Variants in PARPBP observed in about 807,000 individuals in gnomAD.
The protein encoded by PARPBP is PARP1 binding protein, also known as PCNA-interacting partner.
A neutral mutation model predicts 50.0 loss-of-function variants in PARPBP; 52 were observed. That is an observed-to-expected ratio of 1.04 (90% CI 0.83 to 1.31). The LOEUF is 1.31. Among genes scored for constraint, PARPBP ranks in the 50% most tolerant of loss-of-function variants. The pLI is 0.00. For synonymous variants in PARPBP, 244 were observed against 232.1 expected (o/e 1.05, Z -0.47); for missense variants, 697 against 672.0 (o/e 1.04, Z -0.41).
intron 9 of PARPBP, among the ~76,000 whole-genome samples, chr12:102,193,329 A>G (rs1369518278): frequency 6.6e-6 from 1 of 151,934 alleles, no homozygotes; most frequent in Non-Finnish European, 1.5e-5. Flanking sequence ...ACTAAATAAT[A>G]TAATTATTAT....
chr12:102,192,082 G>A (rs558449100), intron 9 of PARPBP, among the ~76,000 whole-genome samples: 1 of 152,200 alleles, frequency 6.6e-6, no homozygotes, highest in African/African-American at 2.4e-5. Context: ...GCCAATGTAG[G>A]TTGCGTTGTT....
intron 9 of PARPBP, among the ~76,000 whole-genome samples, chr12:102,183,347 A>T (rs1425349781): frequency 6.6e-6 from 1 of 152,134 alleles, no homozygotes; most frequent in Non-Finnish European, 1.5e-5. Flanking sequence ...ATTCATCTTG[A>T]TACAACAAAA....
At chr12:102,150,990 T>C (rs1003039115) in intron 3 of PARPBP, among the ~76,000 whole-genome samples, 4 of 152,198 alleles carry the variant, frequency 2.6e-5, no homozygotes, top group African/African-American at 9.7e-5. Flanking sequence ...TTTCAACTTC[T>C]ATTACTTGTA....
intron 2 of PARPBP, among the ~76,000 whole-genome samples, chr12:102,143,457 G>C (rs1347798864): frequency 1.3e-5 from 2 of 152,188 alleles, no homozygotes; most frequent in East Asian, 3.9e-4. Context: ...GCCCTGCCCT[G>C]CTTCAGCTCA....
At chr12:102,185,201 T>C (rs537407958) in intron 9 of PARPBP, among the ~76,000 whole-genome samples, 1 of 152,314 alleles carries the variant, frequency 6.6e-6, no homozygotes, top group African/African-American at 2.4e-5. Flanking sequence ...GTATCAGGAA[T>C]CTTGTTTATG....
At chr12:102,122,262 A>G (rs562704671) in intron 1 of PARPBP, among the ~76,000 whole-genome samples, 2 of 152,358 alleles carry the variant, frequency 1.3e-5, no homozygotes, top group Admixed American at 1.3e-4. Context: ...TTTGAAGAGA[A>G]ATACAATTCT....
chr12:102,125,457 A>G (rs1416686682), intron 2 of PARPBP, among the ~76,000 whole-genome samples: 1 of 152,184 alleles, frequency 6.6e-6, no homozygotes, highest in Non-Finnish European at 1.5e-5. Flanking sequence ...AAGATTTGAA[A>G]CAGGGGAGGG....
At position 102,140,906 on chromosome 12, in the gene PARPBP, A is replaced by T. The variant is rs866110917; in HGVS notation, c.154-7324A>T. On this transcript the variant is annotated intron_variant, in intron 2 of 10. Coordinates refer to ENST00000327680, the MANE Select transcript of PARPBP (RefSeq NM_017915.5). ...CTAAGGAGTGCTTTACTTCCAACTT[A>T]GTGGTCAATTTTGGAATAAGTGCGG... Among the ~76,000 whole-genome samples the T allele has an allele frequency of 5.0e-4, 76 of 152,122 alleles. 1 individual carries two copies. Among genetic ancestry groups the T allele is most frequent in the African/African-American group, 1.7e-3 (71 of 41,422 alleles).
At chr12:102,129,958 A>T (rs1417570240) in intron 2 of PARPBP, among the ~76,000 whole-genome samples, 1 of 152,212 alleles carries the variant, frequency 6.6e-6, no homozygotes, top group East Asian at 1.9e-4. Context: ...AAAAAGAAGA[A>T]AGCAGGTGGT....
At chr12:102,155,424 A>C (rs1886739907) in intron 4 of PARPBP, 2 of 152,128 alleles carry the variant, frequency 1.3e-5, no homozygotes, top group African/African-American at 4.8e-5. Flanking sequence ...TAGGCCGACT[A>C]AGGATTCCTA....
chr12:102,142,612 A>G (rs1317587442), intron 2 of PARPBP, among the ~76,000 whole-genome samples: 9 of 152,112 alleles, frequency 5.9e-5, no homozygotes, highest in Non-Finnish European at 1.3e-4. Flanking sequence ...GTTTCTCCCC[A>G]TCTTTGTGGT....
At chr12:102,129,355 C>A (rs1882502378) in intron 2 of PARPBP, among the ~76,000 whole-genome samples, 1 of 151,942 alleles carries the variant, frequency 6.6e-6, no homozygotes, top group Non-Finnish European at 1.5e-5. Context: ...GGATATTAAC[C>A]TTTTATCTGA....
At chr12:102,173,464 A>G (rs1888953334) in intron 6 of PARPBP, among the ~76,000 whole-genome samples, 1 of 152,176 alleles carries the variant, frequency 6.6e-6, no homozygotes, top group South Asian at 2.1e-4. Flanking sequence ...AATATGACTA[A>G]TTATATAGAA....
At chr12:102,161,849 G>A (rs1263581858) in intron 4 of PARPBP, among the ~76,000 whole-genome samples, 2 of 152,184 alleles carry the variant, frequency 1.3e-5, no homozygotes, top group African/African-American at 4.8e-5. Context: ...ATACATGAAT[G>A]TCTACTTTAG....
At chr12:102,172,387 C>G (rs1888847529) in intron 6 of PARPBP, among the ~76,000 whole-genome samples, 1 of 152,166 alleles carries the variant, frequency 6.6e-6, no homozygotes, top group African/African-American at 2.4e-5. Flanking sequence ...AGATTTTATT[C>G]ATTTTTGTAT....
Position 102,154,067 on chromosome 12 carries a change from A to C in PARPBP, c.495+91A>C, listed in dbSNP as rs921204938. The stretch of plus-strand genomic sequence containing the variant: ...TACCTTAAAGTTACTAATGCTTTGT[A>C]AAAATTTTTTTAACAAATCTTTAGT... On this transcript the variant is annotated intron_variant, in intron 4 of 10. Coordinates refer to ENST00000327680, the MANE Select transcript of PARPBP (RefSeq NM_017915.5). 93 of 749,824 alleles carry C rather than the reference A, an allele frequency of 1.2e-4. No individual in the cohort carries two copies. The African/African-American group carries it at 1.4e-3, about 11-fold the overall frequency. 46.4% of individuals were successfully genotyped at this position (749,824 alleles called of 1,614,324 possible). A position where few individuals can be genotyped will look rare whatever the true frequency, so the allele number is the denominator to read the frequency against.
At chr12:102,131,868 A>G (rs1038310079) in intron 2 of PARPBP, among the ~76,000 whole-genome samples, 2 of 152,176 alleles carry the variant, frequency 1.3e-5, no homozygotes, top group African/African-American at 4.8e-5. Context: ...GAGGATCAGG[A>G]AGAATAACTA....
intron 2 of PARPBP, among the ~76,000 whole-genome samples, chr12:102,141,558 T>C (rs1478042119): frequency 1.3e-5 from 2 of 152,224 alleles, no homozygotes; most frequent in African/African-American, 4.8e-5. Context: ...TGCTCGTTAG[T>C]TGATGCAGTT....
At chr12:102,120,352 TG>T (rs1880797509) in intron 1 of PARPBP, 66 bp downstream of exon 1, 40 of 394,794 alleles carry the variant, frequency 1.0e-4, no homozygotes, top group South Asian at 6.9e-4. Flanking sequence ...CTGTGGCTTT[TG>T]AGGGTGTTTT....
Sources: gnomAD v4.1 joint callset for allele counts (sites outside exome capture counted in the v4.1 genomes callset) on GRCh38, gnomAD v4.1.1 for gene constraint, MANE v1.5 for transcripts, NCBI Gene and HGNC (gene_info 2026-07-23, HGNC 2026-07-21) for gene names.